The following SPIDR variants were observed in gnomAD, a reference collection of about 807,000 sequenced individuals.
SPIDR encodes the protein scaffold protein involved in DNA repair.
SPIDR carries 93 observed loss-of-function variants against 104.6 expected under a neutral mutation model. The ratio of observed to expected loss-of-function variants is 0.89; its 90% CI spans 0.75 to 1.06. The LOEUF is 1.06. Ranked by LOEUF, SPIDR falls within the 50% of genes least tolerant of loss-of-function variation. SPIDR has a pLI of 0.00. For missense variants in SPIDR, 1,154 were observed against 1,111.2 expected, an observed-to-expected ratio of 1.04 and a Z score of -0.55; for synonymous variants, 431 against 416.9, an observed-to-expected ratio of 1.03 and a Z score of -0.41.
intron 8 of SPIDR, among the ~76,000 whole-genome samples, chr8:47,557,129 G>T (rs2091419749): frequency 6.6e-6 from 1 of 152,184 alleles, no homozygotes. Context: ...ACATTTTACT[G>T]ATAATGAGAC....
At chr8:47,307,439 G>A (rs1042416426) in intron 5 of SPIDR, among the ~76,000 whole-genome samples, 4 of 149,952 alleles carry the variant, frequency 2.7e-5, no homozygotes, top group Admixed American at 6.7e-5. Flanking sequence ...AGCTGGACTC[G>A]AACTCCTGAC....
intron 9 of SPIDR, among the ~76,000 whole-genome samples, chr8:47,596,671 C>T (rs2061653519): frequency 6.6e-6 from 1 of 152,066 alleles, no homozygotes; most frequent in East Asian, 1.9e-4. Context: ...TTTTTTTCTT[C>T]AGTAATAAGT....
intron 5 of SPIDR, among the ~76,000 whole-genome samples, chr8:47,307,345 T>A: frequency 6.7e-6 from 1 of 148,962 alleles, no homozygotes. Flanking sequence ...CTCAGCCTCC[T>A]GAGGCTGGGA....
intron 7 of SPIDR, among the ~76,000 whole-genome samples, chr8:47,421,903 G>C (rs1208751468): frequency 6.6e-6 from 1 of 152,208 alleles, no homozygotes; most frequent in Non-Finnish European, 1.5e-5. Flanking sequence ...CTGGGTATCA[G>C]CAGCGGAGGC....
At chr8:47,287,605 A>G (rs2154233618) in intron 3 of SPIDR, among the ~76,000 whole-genome samples, 1 of 152,296 alleles carries the variant, frequency 6.6e-6, no homozygotes, top group African/African-American at 2.4e-5. Context: ...TTGCTGGGAA[A>G]AGAATTTAGC....
intron 10 of SPIDR, among the ~76,000 whole-genome samples, chr8:47,655,557 C>T (rs1362993117): frequency 8.5e-5 from 13 of 152,164 alleles, no homozygotes; most frequent in Non-Finnish European, 1.5e-4. Context: ...CCTTCGCCCA[C>T]TTTTTGATGG....
chr8:47,522,762 AG>A (rs1292544459), intron 8 of SPIDR, among the ~76,000 whole-genome samples: 1 of 152,200 alleles, frequency 6.6e-6, no homozygotes, highest in Non-Finnish European at 1.5e-5. Flanking sequence ...TAATGCTAAA[AG>A]CATTTTATTT....
intron 5 of SPIDR, among the ~76,000 whole-genome samples, chr8:47,391,641 G>A (rs905619622): frequency 6.6e-6 from 1 of 152,078 alleles, no homozygotes; most frequent in Non-Finnish European, 1.5e-5. Flanking sequence ...TGTCTTTTTG[G>A]TTGTCTACAG....
chr8:47,395,875 A>G (rs1473798507), intron 5 of SPIDR, among the ~76,000 whole-genome samples: 4 of 152,234 alleles, frequency 2.6e-5, no homozygotes, highest in African/African-American at 7.2e-5. Flanking sequence ...AAATAATTAT[A>G]TAATTGTATG....
At chr8:47,616,112 G>A (rs755650871) in intron 10 of SPIDR, among the ~76,000 whole-genome samples, 28 of 152,048 alleles carry the variant, frequency 1.8e-4, no homozygotes, top group East Asian at 1.2e-3. Context: ...GATTGTCATC[G>A]CGAGTAAAGA....
At chr8:47,376,796 AT>A (rs1301491743) in intron 5 of SPIDR, among the ~76,000 whole-genome samples, 4 of 151,896 alleles carry the variant, frequency 2.6e-5, no homozygotes, top group Admixed American at 1.3e-4. Context: ...AAAAAAAAAA[AT>A]TTTTTTTAAC....
intron 8 of SPIDR, among the ~76,000 whole-genome samples, chr8:47,443,494 C>T (rs1430407677): frequency 1.3e-5 from 2 of 150,082 alleles, no homozygotes; most frequent in Non-Finnish European, 3.0e-5. Context: ...TCGCTTGAGC[C>T]CAGGAGGTGG....
intron 6 of SPIDR, among the ~76,000 whole-genome samples, chr8:47,404,300 T>C (rs1049341759): frequency 1.8e-4 from 28 of 152,168 alleles, no homozygotes; most frequent in Non-Finnish European, 3.7e-4. Context: ...GCAAGGACTT[T>C]ATGTCTAAAA....
At chr8:47,300,237 G>A (rs1288726206) in intron 5 of SPIDR, among the ~76,000 whole-genome samples, 1 of 152,148 alleles carries the variant, frequency 6.6e-6, no homozygotes, top group African/African-American at 2.4e-5. Context: ...ATTTATTTGT[G>A]TAAAGGTGTT....
intron 11 of SPIDR, among the ~76,000 whole-genome samples, chr8:47,685,451 A>G (rs1589172262): frequency 6.6e-6 from 1 of 150,790 alleles, no homozygotes; most frequent in Non-Finnish European, 1.5e-5. Flanking sequence ...AGAAATTATA[A>G]TTATCTACCA....
chr8:47,301,368 C>T (rs1554577281), intron 5 of SPIDR, among the ~76,000 whole-genome samples: 1 of 152,018 alleles, frequency 6.6e-6, no homozygotes, highest in Non-Finnish European at 1.5e-5. Flanking sequence ...TCCTGAATAC[C>T]GCACACTGAT....
At chr8:47,405,701 C>T (rs1459367535) in intron 6 of SPIDR, among the ~76,000 whole-genome samples, 1 of 152,086 alleles carries the variant, frequency 6.6e-6, no homozygotes, top group Non-Finnish European at 1.5e-5. Flanking sequence ...GGAGTTTGGC[C>T]TTTATAAATA....
intron 5 of SPIDR, among the ~76,000 whole-genome samples, chr8:47,310,382 TCTG>T (rs2043926669): frequency 6.6e-6 from 1 of 151,664 alleles, no homozygotes; most frequent in Non-Finnish European, 1.5e-5. Flanking sequence ...TTTGTAGTCT[TCTG>T]GTATTATAAA....
At chr8:47,264,956 C>T (rs2033581219) in intron 1 of SPIDR, among the ~76,000 whole-genome samples, 1 of 152,090 alleles carries the variant, frequency 6.6e-6, no homozygotes, top group Non-Finnish European at 1.5e-5. Flanking sequence ...ATTGTACATC[C>T]TCTACTGCTT....
Sources: gnomAD v4.1 joint callset for allele counts (sites outside exome capture counted in the v4.1 genomes callset) on GRCh38, gnomAD v4.1.1 for gene constraint, MANE v1.5 for transcripts, NCBI Gene and HGNC (gene_info 2026-07-23, HGNC 2026-07-21) for gene names.